ASTN2: variants seen among roughly 807,000 people sequenced by gnomAD.
The protein encoded by ASTN2 is astrotactin 2.
ASTN2 carries 54 observed loss-of-function variants against 139.8 expected under a neutral mutation model. That is an observed-to-expected ratio of 0.39 (90% CI 0.31 to 0.48). The LOEUF is 0.48. Ranked by LOEUF, ASTN2 falls within the 20% of genes least tolerant of loss-of-function variation. The pLI is 0.95. For synonymous variants in ASTN2, 756 were observed against 719.5 expected, an observed-to-expected ratio of 1.05 and a Z score of -0.81; for missense variants, 1,565 against 1,725.1, an observed-to-expected ratio of 0.91 and a Z score of 1.64.
intron 2 of ASTN2, among the ~76,000 whole-genome samples, chr9:117,245,103 C>T (rs1043416400): frequency 1.2e-4 from 19 of 152,156 alleles, no homozygotes; most frequent in South Asian, 8.3e-4. Context: ...ATTCATCCTC[C>T]GTGGCCTCCA....
chr9:117,028,124 C>A (rs1838149142), intron 6 of ASTN2, among the ~76,000 whole-genome samples: 1 of 152,118 alleles, frequency 6.6e-6, no homozygotes, highest in Non-Finnish European at 1.5e-5. Context: ...AGCAGGCACT[C>A]AGCAAATGTC....
chr9:116,719,585 G>C (rs887429349), intron 16 of ASTN2, among the ~76,000 whole-genome samples: 2 of 152,118 alleles, frequency 1.3e-5, no homozygotes, highest in Non-Finnish European at 2.9e-5. Flanking sequence ...GCAGGCAAGA[G>C]AACTAGAATG....
chr9:116,645,054 G>A (rs565977788), intron 17 of ASTN2, among the ~76,000 whole-genome samples: 371 of 152,256 alleles, frequency 2.4e-3, no homozygotes, highest in Non-Finnish European at 4.2e-3. Context: ...ACCCTGAGAT[G>A]AAAAGGGATA....
chr9:117,057,056 CTT>C (rs1839084531), intron 5 of ASTN2, among the ~76,000 whole-genome samples: 1 of 152,124 alleles, frequency 6.6e-6, no homozygotes, highest in Admixed American at 6.5e-5. Flanking sequence ...ATTATCAGCT[CTT>C]TTTGTTGGAA....
chr9:117,364,191 A>G (rs10818030), intron 1 of ASTN2, among the ~76,000 whole-genome samples: 32,339 of 152,158 alleles, frequency 0.21, 3,998 homozygotes, highest in East Asian at 0.46. Context: ...AAATTCATGT[A>G]GTCCAGCTTC....
At chr9:116,555,673 T>C (rs751051586) in intron 19 of ASTN2, among the ~76,000 whole-genome samples, 1 of 152,106 alleles carries the variant, frequency 6.6e-6, no homozygotes, top group African/African-American at 2.4e-5. Context: ...AAGGAAAGGA[T>C]GATGGATTTT....
intron 3 of ASTN2, among the ~76,000 whole-genome samples, chr9:117,182,326 GACACACAC>G (rs35259944): frequency 1.3e-5 from 2 of 149,184 alleles, no homozygotes; most frequent in East Asian, 3.9e-4. Context: ...CACAGACACA[GACACACAC>G]ACACACACAC....
chr9:117,402,559 G>C (rs897191430), intron 1 of ASTN2, among the ~76,000 whole-genome samples: 2 of 152,154 alleles, frequency 1.3e-5, no homozygotes, highest in African/African-American at 2.4e-5. Context: ...ACAAGAAGGA[G>C]AGAAACACAG....
At chr9:116,891,127 T>G (rs1296204607) in intron 10 of ASTN2, among the ~76,000 whole-genome samples, 1 of 152,222 alleles carries the variant, frequency 6.6e-6, no homozygotes, top group East Asian at 1.9e-4. Context: ...AGTAGCCAGA[T>G]GTACCTTGAT....
At chr9:116,605,121 G>A (rs1855123426) in intron 19 of ASTN2, among the ~76,000 whole-genome samples, 1 of 151,424 alleles carries the variant, frequency 6.6e-6, no homozygotes, top group African/African-American at 2.4e-5. Context: ...AGGAAGGAGA[G>A]AGGAAAGGAA....
At chr9:117,258,648 A>C (rs1394327687) in intron 2 of ASTN2, among the ~76,000 whole-genome samples, 1 of 152,150 alleles carries the variant, frequency 6.6e-6, no homozygotes, top group Non-Finnish European at 1.5e-5. Flanking sequence ...AGCCTTTATC[A>C]TCAAAATTCT....
intron 5 of ASTN2, among the ~76,000 whole-genome samples, chr9:117,053,021 G>C (rs1264593749): frequency 6.6e-6 from 1 of 152,152 alleles, no homozygotes; most frequent in Non-Finnish European, 1.5e-5. Context: ...CTCTTGATAG[G>C]GTTGTCTTCA....
chr9:116,554,648 G>C (rs1409221511), intron 19 of ASTN2, among the ~76,000 whole-genome samples: 1 of 152,138 alleles, frequency 6.6e-6, no homozygotes, highest in Non-Finnish European at 1.5e-5. Context: ...CTCTGGCTCA[G>C]AACATTCCAG....
chr9:116,543,750 T>G (rs1193309477), intron 19 of ASTN2: 1 of 152,220 alleles, frequency 6.6e-6, no homozygotes, highest in Non-Finnish European at 1.5e-5. Flanking sequence ...TCATGTGAAT[T>G]TGGAGCTGAT....
chr9:116,621,307 TAGC>T (rs1243740890), intron 17 of ASTN2, among the ~76,000 whole-genome samples: 1 of 152,168 alleles, frequency 6.6e-6, no homozygotes, highest in African/African-American at 2.4e-5. Context: ...CCAAGTCAAG[TAGC>T]AGGCTAGATT....
intron 6 of ASTN2, among the ~76,000 whole-genome samples, chr9:117,011,068 T>C (rs993171812): frequency 2.6e-5 from 4 of 152,162 alleles, no homozygotes; most frequent in African/African-American, 9.7e-5. Context: ...CATCATGATG[T>C]CCACTACAAG....
chr9:116,523,014 A>G (rs1330161588), intron 19 of ASTN2, among the ~76,000 whole-genome samples: 2 of 152,140 alleles, frequency 1.3e-5, no homozygotes, highest in African/African-American at 4.8e-5. Flanking sequence ...CGAACCCACC[A>G]AGCATCTTCC....
intron 3 of ASTN2, 73 bp downstream of exon 3, chr9:117,214,285 G>T (rs768895768): frequency 3.7e-5 from 55 of 1,498,452 alleles, no homozygotes; most frequent in Non-Finnish European, 4.2e-5. Context: ...GTCCCCAACT[G>T]CCCAGCTTCT....
chr9:117,197,277 T>C (rs1048236196), intron 3 of ASTN2: 2 of 152,286 alleles, frequency 1.3e-5, no homozygotes, highest in African/African-American at 2.4e-5. Flanking sequence ...TAACCATCTC[T>C]GACAGAGGAT....
Sources: gnomAD v4.1 joint callset for allele counts (sites outside exome capture counted in the v4.1 genomes callset) on GRCh38, gnomAD v4.1.1 for gene constraint, MANE v1.5 for transcripts, NCBI Gene and HGNC (gene_info 2026-07-23, HGNC 2026-07-21) for gene names.